The following SPOPL variants were observed in gnomAD, a reference collection of about 807,000 sequenced individuals.
SPOPL encodes the protein speckle type BTB/POZ protein like, also known as speckle-type POZ protein-like.
A neutral mutation model predicts 53.8 loss-of-function variants in SPOPL; 23 were observed. The ratio of observed to expected loss-of-function variants is 0.43; its 90% CI spans 0.31 to 0.61. SPOPL has a LOEUF of 0.61. Among genes scored for constraint, SPOPL ranks in the 20% least tolerant of loss-of-function variants. SPOPL has a pLI of 0.12. For synonymous variants in SPOPL, 164 were observed against 149.7 expected (o/e 1.10, Z -0.70); for missense variants, 442 against 466.9 (o/e 0.95, Z 0.49).
At chr2:138,508,415 C>CT (rs1201541254) in intron 1 of SPOPL, among the ~76,000 whole-genome samples, 12 of 152,144 alleles carry the variant, frequency 7.9e-5, no homozygotes, top group Admixed American at 4.6e-4. Flanking sequence ...TCATTGCAAC[C>CT]TCTGTCTCCT....
At chr2:138,531,523 T>C (rs1454005908) in intron 1 of SPOPL, among the ~76,000 whole-genome samples, 1 of 152,188 alleles carries the variant, frequency 6.6e-6, no homozygotes, top group Admixed American at 6.5e-5. Context: ...TGCTTCTCTC[T>C]TTTTCTTCTG....
intron 1 of SPOPL, among the ~76,000 whole-genome samples, chr2:138,507,063 G>T (rs35539989): frequency 0.15 from 22,519 of 152,104 alleles, 1,880 homozygotes; most frequent in African/African-American, 0.22. Flanking sequence ...ATGCAACTGG[G>T]AAATTAAGTG....
Position 138,536,053 on chromosome 2 carries a change from T to C in SPOPL, c.-60-14104T>C, listed in dbSNP as rs192351176. On this transcript the variant is annotated intron_variant, in intron 1 of 10. Transcript: ENST00000280098. ...ACATTGTCATCATACCTTCCTCTAATTATGATTTCCTTTAGTTCTTTACAC... is the reference window on the plus strand; with the variant it reads ...ACATTGTCATCATACCTTCCTCTAACTATGATTTCCTTTAGTTCTTTACAC... Among the ~76,000 whole-genome samples the C allele has an allele frequency of 8.6e-4, 131 of 152,324 alleles. 1 individual carries two copies. In the Middle Eastern group the frequency reaches 0.014, roughly 16 times the overall value.
chr2:138,566,159 C>G (rs1254599431), intron 10 of SPOPL, among the ~76,000 whole-genome samples: 2 of 152,084 alleles, frequency 1.3e-5, no homozygotes, highest in Admixed American at 1.3e-4. Flanking sequence ...ATTCTGTTTT[C>G]TGAAAGTAAA....
At chr2:138,558,208 G>A (rs192897322) in intron 5 of SPOPL, among the ~76,000 whole-genome samples, 82 of 152,180 alleles carry the variant, frequency 5.4e-4, no homozygotes, top group Non-Finnish European at 4.7e-4. Context: ...TGGTGTGCAA[G>A]ACTTAATAGT....
chr2:138,542,348 C>T (rs1277949341), intron 1 of SPOPL, among the ~76,000 whole-genome samples: 1 of 152,062 alleles, frequency 6.6e-6, no homozygotes, highest in East Asian at 1.9e-4. Flanking sequence ...TAAAGTCTCC[C>T]ATTATTATTG....
intron 1 of SPOPL, among the ~76,000 whole-genome samples, chr2:138,532,796 T>C (rs1042528628): frequency 2.6e-5 from 4 of 152,100 alleles, no homozygotes; most frequent in African/African-American, 9.7e-5. Flanking sequence ...ACCTTTAGGT[T>C]GTTCTCCCTT....
chr2:138,532,653 A>G (rs1191061106), intron 1 of SPOPL, among the ~76,000 whole-genome samples: 4 of 139,418 alleles, frequency 2.9e-5, no homozygotes, highest in African/African-American at 1.1e-4. Flanking sequence ...CGTGTTAGCC[A>G]GGATGGTCTC....
chr2:138,517,193 G>A (rs1274810867), intron 1 of SPOPL, among the ~76,000 whole-genome samples: 1 of 152,158 alleles, frequency 6.6e-6, no homozygotes, highest in Non-Finnish European at 1.5e-5. Flanking sequence ...TAAATAGGTG[G>A]ATGACAGGTT....
At chr2:138,525,628 A>G (rs1222168330) in intron 1 of SPOPL, among the ~76,000 whole-genome samples, 5 of 146,260 alleles carry the variant, frequency 3.4e-5, no homozygotes, top group African/African-American at 1.3e-4. Context: ...CCTGGGTAAC[A>G]GCAAGACCTG....
At chr2:138,556,850 G>A (rs1028909968) in intron 5 of SPOPL, among the ~76,000 whole-genome samples, 5 of 151,992 alleles carry the variant, frequency 3.3e-5, no homozygotes, top group African/African-American at 4.8e-5. Flanking sequence ...AATATTGTAC[G>A]AAGAGCCGTA....
chr2:138,541,300 G>A (rs1319886945), intron 1 of SPOPL, among the ~76,000 whole-genome samples: 3 of 152,084 alleles, frequency 2.0e-5, no homozygotes, highest in South Asian at 2.1e-4. Flanking sequence ...ATTGATTGGA[G>A]TAGTTTCAGA....
chr2:138,529,535 T>TGCGCG (rs1553469117), intron 1 of SPOPL, among the ~76,000 whole-genome samples: 5 of 103,226 alleles, frequency 4.8e-5, no homozygotes, highest in Non-Finnish European at 2.2e-5. Context: ...TGTGTGTGTG[T>TGCGCG]TTGCGTGCGC....
chr2:138,513,688 TATG>T (rs2104857880), intron 1 of SPOPL, among the ~76,000 whole-genome samples: 1 of 150,768 alleles, frequency 6.6e-6, no homozygotes, highest in Non-Finnish European at 1.5e-5. Context: ...GGCAGTGAGC[TATG>T]GTCTTGTCAC....
At chr2:138,513,381 C>T (rs1358960783) in intron 1 of SPOPL, among the ~76,000 whole-genome samples, 1 of 152,068 alleles carries the variant, frequency 6.6e-6, no homozygotes, top group Non-Finnish European at 1.5e-5. Flanking sequence ...GGTGAAACCC[C>T]GTCTCTACTA....
intron 10 of SPOPL, among the ~76,000 whole-genome samples, chr2:138,565,820 A>G (rs6736852): frequency 0.98 from 148,186 of 151,232 alleles, 72,658 homozygotes; most frequent in Non-Finnish European, 1. Flanking sequence ...TGCGAGCTCC[A>G]CCTCCTGGGT....
intron 1 of SPOPL, among the ~76,000 whole-genome samples, chr2:138,524,938 T>G (rs541112515): frequency 1.3e-5 from 2 of 151,978 alleles, no homozygotes; most frequent in Non-Finnish European, 2.9e-5. Context: ...TTTTCCTGCC[T>G]CCTTCTGAGC....
chr2:138,502,447 C>T (rs1425628445), intron 1 of SPOPL, among the ~76,000 whole-genome samples: 1 of 152,204 alleles, frequency 6.6e-6, no homozygotes, highest in African/African-American at 2.4e-5. Context: ...CTTCTCTCCT[C>T]CTCTATACCT....
At chr2:138,561,074 G>A in intron 8 of SPOPL, 147 bp downstream of exon 8, 1 of 1,001,452 alleles carries the variant, frequency 1.0e-6, no homozygotes, top group South Asian at 1.9e-5. Context: ...GGGTAATCTG[G>A]AAATGAAATT....
Sources: allele counts gnomAD v4.1 joint callset (sites outside exome capture counted in the v4.1 genomes callset), GRCh38; gene constraint gnomAD v4.1.1; transcripts MANE v1.5; gene names NCBI Gene and HGNC (gene_info 2026-07-23, HGNC 2026-07-21).